Variants in SMC2 observed in about 807,000 individuals in gnomAD.
The protein encoded by SMC2 is structural maintenance of chromosomes 2, also known as structural maintenance of chromosomes protein 2.
A neutral mutation model predicts 142.6 loss-of-function variants in SMC2; 41 were observed. The ratio of observed to expected loss-of-function variants is 0.29; its 90% CI spans 0.22 to 0.37. The LOEUF is 0.37. SMC2 is among the 10% of genes least tolerant of loss of function. SMC2 has a pLI of 1.00. For missense variants in SMC2, 1,265 were observed against 1,373.7 expected, an observed-to-expected ratio of 0.92 and a Z score of 1.25; for synonymous variants, 463 against 457.5, an observed-to-expected ratio of 1.01 and a Z score of -0.15.
chr9:104,119,568 G>C (rs1833506066), intron 15 of SMC2, among the ~76,000 whole-genome samples: 1 of 152,150 alleles, frequency 6.6e-6, no homozygotes, highest in African/African-American at 2.4e-5. Flanking sequence ...TTGCCTTTCT[G>C]CTCAGTGCTA....
intron 3 of SMC2, among the ~76,000 whole-genome samples, chr9:104,097,101 T>C (rs1273674778): frequency 6.6e-6 from 1 of 151,096 alleles, no homozygotes; most frequent in Non-Finnish European, 1.5e-5. Context: ...AGTCAGGCAG[T>C]GTTTTCAGCT....
chr9:104,133,545 G>A (rs1835208716), intron 22 of SMC2, among the ~76,000 whole-genome samples: 1 of 152,122 alleles, frequency 6.6e-6, no homozygotes, highest in Non-Finnish European at 1.5e-5. Flanking sequence ...TTTCTCTAGA[G>A]AACTTGGCTG....
At chr9:104,116,640 T>TC (rs1833152061) in intron 14 of SMC2, among the ~76,000 whole-genome samples, 1 of 152,192 alleles carries the variant, frequency 6.6e-6, no homozygotes, top group Admixed American at 6.5e-5. Flanking sequence ...CCCAAATTCT[T>TC]CAAGTTTTTG....
intron 9 of SMC2, among the ~76,000 whole-genome samples, chr9:104,107,943 C>T (rs1832000176): frequency 1.3e-5 from 2 of 152,090 alleles, no homozygotes; most frequent in Non-Finnish European, 2.9e-5. Flanking sequence ...GGTGGCAGGC[C>T]GGGTTGGATA....
intron 15 of SMC2, among the ~76,000 whole-genome samples, chr9:104,118,831 G>A (rs1833411259): frequency 6.6e-6 from 1 of 152,110 alleles, no homozygotes; most frequent in Non-Finnish European, 1.5e-5. Flanking sequence ...ATGGTTAATG[G>A]ATAATTCGAC....
chr9:104,103,305 C>T (rs1831373879), intron 9 of SMC2, among the ~76,000 whole-genome samples: 1 of 151,984 alleles, frequency 6.6e-6, no homozygotes, highest in South Asian at 2.1e-4. Context: ...TTCATACTCT[C>T]ACAGAATGAA....
intron 21 of SMC2, among the ~76,000 whole-genome samples, chr9:104,130,431 A>G (rs564816621): frequency 3.3e-5 from 5 of 152,240 alleles, no homozygotes; most frequent in South Asian, 2.1e-4. Flanking sequence ...GCCATAAGAA[A>G]TGGCTATCTT....
At chr9:104,106,320 G>C (rs1304888610) in intron 9 of SMC2, among the ~76,000 whole-genome samples, 1 of 152,190 alleles carries the variant, frequency 6.6e-6, no homozygotes, top group East Asian at 1.9e-4. Context: ...CCACATGAGT[G>C]ACATATATTT....
At chr9:104,103,384 G>A (rs148683138) in intron 9 of SMC2, among the ~76,000 whole-genome samples, 1 of 152,276 alleles carries the variant, frequency 6.6e-6, no homozygotes, top group African/African-American at 2.4e-5. Flanking sequence ...TAAATAGGGA[G>A]GTAACTGGAG....
intron 24 of SMC2, among the ~76,000 whole-genome samples, chr9:104,138,524 CAT>C (rs1275582171): frequency 3.3e-5 from 5 of 152,042 alleles, no homozygotes; most frequent in African/African-American, 1.2e-4. Context: ...ATCAGAAAAT[CAT>C]GTGACACTTG....
At chr9:104,094,116 T>A, upstream of SMC2, 1 of 357,330 alleles carries the variant, frequency 2.8e-6, no homozygotes, top group Non-Finnish European at 5.0e-6. Flanking sequence ...ACATACACTA[T>A]CTGCTCCTGT....
intron 21 of SMC2, among the ~76,000 whole-genome samples, chr9:104,131,103 G>A (rs1834912080): frequency 6.6e-6 from 1 of 152,142 alleles, no homozygotes; most frequent in African/African-American, 2.4e-5. Context: ...GTAGGGCTTT[G>A]AGGAGAAATG....
In SMC2 at chr9:104,102,142, A is replaced by G; in HGVS notation, c.819A>G (p.Lys273=). 1 of 1,588,380 alleles carries G rather than the reference A, an allele frequency of 6.3e-7. No individual in the cohort carries two copies. The highest frequency in any genetic ancestry group is 8.6e-7 in the Non-Finnish European group (1 of 1,159,140). ...AAGAATTGTCTGAGAATGATAAAAA[A>G]ATAAAAGCACTTAATCATGAAATAG... is the stretch of plus-strand genomic sequence containing the variant. ...LQEELSENDK[K]IKALNHEIEE... The change falls in exon 8 of 25, where the codon AAA becomes AAG. Residue 273 remains lysine, a synonymous_variant. Transcript: ENST00000374793.
In SMC2 at chr9:104,094,337, T is replaced by G; in HGVS notation, c.-202T>G. ...GGAATAAATAGTTCCGGCGCGGGTG[T>G]TGAGAGCGGTGTGGCAGGTGTTGTA... On this transcript the variant is annotated 5_prime_UTR_variant, in exon 1 of 25. Coordinates refer to ENST00000374793, the MANE Select transcript of SMC2 (RefSeq NM_006444.3). 1 of 398,750 alleles carries G rather than the reference T, an allele frequency of 2.5e-6. No homozygotes were observed. Among genetic ancestry groups the G allele is most frequent in the Non-Finnish European group, 4.4e-6 (1 of 226,166 alleles). The allele number at this position is 398,750 out of a possible 1,614,324, so 24.7% of individuals were successfully genotyped here.
intron 9 of SMC2, among the ~76,000 whole-genome samples, chr9:104,110,433 G>A (rs192074363): frequency 6.6e-6 from 1 of 151,990 alleles, no homozygotes; most frequent in African/African-American, 2.4e-5. Context: ...CAAGAATACA[G>A]TATATAATGT....
chr9:104,109,529 A>C (rs1351707999), intron 9 of SMC2, among the ~76,000 whole-genome samples: 1 of 152,218 alleles, frequency 6.6e-6, no homozygotes, highest in Non-Finnish European at 1.5e-5. Flanking sequence ...TCTTTACAGA[A>C]GCTAAAATAT....
upstream of SMC2, among the ~76,000 whole-genome samples, chr9:104,091,776 C>G (rs559160209): frequency 3.9e-5 from 6 of 152,226 alleles, no homozygotes; most frequent in East Asian, 9.7e-4. Context: ...CAGGAGAGAG[C>G]AGGTTCCTTC....
chr9:104,133,676 C>CA (rs1176370680), intron 22 of SMC2, among the ~76,000 whole-genome samples: 2 of 152,048 alleles, frequency 1.3e-5, no homozygotes, highest in African/African-American at 4.8e-5. Context: ...TGCGTATGAA[C>CA]AAAAATTACC....
chr9:104,128,030 C>T (rs1467294075), intron 20 of SMC2, among the ~76,000 whole-genome samples: 1 of 152,176 alleles, frequency 6.6e-6, no homozygotes, highest in Non-Finnish European at 1.5e-5. Context: ...TACTTCAGTG[C>T]TTTAAAGATA....
Sources: allele counts gnomAD v4.1 joint callset (sites outside exome capture counted in the v4.1 genomes callset), GRCh38; gene constraint gnomAD v4.1.1; transcripts MANE v1.5; gene names NCBI Gene and HGNC (gene_info 2026-07-23, HGNC 2026-07-21).